The following L2HGDH variants were observed in gnomAD, a reference collection of about 807,000 sequenced individuals.
The protein encoded by L2HGDH is L-2-hydroxyglutarate dehydrogenase, mitochondrial.
Under a neutral mutation model 51.5 loss-of-function variants are expected in L2HGDH, and 34 were observed. The observed-to-expected ratio is 0.66, with a 90% CI of 0.50 to 0.88. The LOEUF (loss-of-function observed/expected upper bound fraction) is 0.88, where lower values mean the gene tolerates loss of function less well. Ranked by LOEUF, L2HGDH falls within the 40% of genes least tolerant of loss-of-function variation. The pLI is 0.00. For missense variants in L2HGDH, 558 were observed against 571.9 expected, an observed-to-expected ratio of 0.98 and a Z score of 0.25; for synonymous variants, 198 against 197.9, an observed-to-expected ratio of 1.00 and a Z score of -0.01.
chr14:50,302,304 G>A (rs897605249), intron 2 of L2HGDH, 136 bp from the exon 3 acceptor site: 6 of 875,810 alleles, frequency 6.9e-6, no homozygotes, highest in South Asian at 2.7e-5. Flanking sequence ...TCAGATCACT[G>A]GTAACTTCTT....
At chr14:50,265,555 A>G in intron 8 of L2HGDH, 66 bp from the exon 9 acceptor site, 1 of 1,324,340 alleles carries the variant, frequency 7.6e-7, no homozygotes, top group Non-Finnish European at 1.1e-6. Context: ...ATACCTTTAT[A>G]ATTATTAGAT....
intron 3 of L2HGDH, among the ~76,000 whole-genome samples, chr14:50,301,689 G>C (rs2030416644): frequency 6.6e-6 from 1 of 152,180 alleles, no homozygotes; most frequent in African/African-American, 2.4e-5. Flanking sequence ...GGAAGTGACT[G>C]CTAATGGGTA....
chr14:50,298,417 G>C (rs2030206245), intron 3 of L2HGDH, among the ~76,000 whole-genome samples: 1 of 151,804 alleles, frequency 6.6e-6, no homozygotes, highest in African/African-American at 2.4e-5. Flanking sequence ...CCAGGTTCTA[G>C]CAACTAACCT....
chr14:50,286,380 T>C (rs1187227436), intron 4 of L2HGDH, among the ~76,000 whole-genome samples: 3 of 152,038 alleles, frequency 2.0e-5, no homozygotes, highest in Admixed American at 1.3e-4. Flanking sequence ...AGAGTTATCC[T>C]CCCAAGTCAA....
At chr14:50,268,383 A>G (rs1406509538) in intron 7 of L2HGDH, among the ~76,000 whole-genome samples, 1 of 144,564 alleles carries the variant, frequency 6.9e-6, no homozygotes, top group Non-Finnish European at 1.5e-5. Context: ...TGTCTCAGGA[A>G]AAAAAAAAAA....
At chr14:50,283,217 T>A (rs770495145) in intron 5 of L2HGDH, among the ~76,000 whole-genome samples, 1 of 151,042 alleles carries the variant, frequency 6.6e-6, no homozygotes, top group Non-Finnish European at 1.5e-5. Context: ...AAAAAAAAAA[T>A]GCATTTTTAA....
In L2HGDH at chr14:50,267,935, C is replaced by G. The variant is rs201973589; in HGVS notation, c.907-25G>C. 3.0e-3 allele frequency: 4,862 copies of G among 1,608,968 alleles called. 17 individuals carry two copies. Among genetic ancestry groups the G allele is most frequent in the Non-Finnish European group, 3.9e-3 (4,577 of 1,175,348 alleles). On this transcript the variant is annotated intron_variant, in intron 7 of 9. Transcript: ENST00000267436. ...CCTATAAATTTAACATAGTAAATAA[C>G]AGCCTCATTTCACATTCCATGTTAT...
chr14:50,267,147 T>A, intron 8 of L2HGDH, among the ~76,000 whole-genome samples: 1 of 31,924 alleles, frequency 3.1e-5, no homozygotes, highest in Non-Finnish European at 7.5e-5. Context: ...CTTTTTATTT[T>A]TATTTATTTA....
intron 6 of L2HGDH, among the ~76,000 whole-genome samples, chr14:50,272,067 G>C (rs190931651): frequency 2.4e-4 from 37 of 152,320 alleles, no homozygotes; most frequent in Admixed American, 2.0e-3. Context: ...CTTGAATCTG[G>C]GAGGCAGAGG....
intron 5 of L2HGDH, among the ~76,000 whole-genome samples, chr14:50,280,157 G>C (rs1890188256): frequency 6.6e-6 from 1 of 151,312 alleles, no homozygotes; most frequent in African/African-American, 2.4e-5. Flanking sequence ...GAGCCACATG[G>C]GTCACTGCTT....
chr14:50,267,844 G>T lies in L2HGDH; in HGVS notation c.973C>A (p.Leu325Ile). The change falls in exon 8 of 10, where the codon CTA becomes ATA. Residue 325 changes from leucine (L) to isoleucine (I), a missense_variant. Leu to Ile is a conservative substitution (Grantham distance 5). This residue lies in a region of L2HGDH where 321 missense variants were observed against 311.8 expected (regional missense o/e 1.03). Transcript: ENST00000267436. ...AAGGCAAGAACTGCATTAGGCCCTAGCCAAATACTGCCATCCATCCTTGGT... is the reference window on the plus strand; with the variant it reads ...AAGGCAAGAACTGCATTAGGCCCTATCCAAATACTGCCATCCATCCTTGGT... ...FTPRMDGSIW[L>I]GPNAVLAFKR... 6.2e-7 allele frequency: 1 copy of T among 1,613,942 alleles called. No homozygotes were observed. Among genetic ancestry groups the T allele is most frequent in the Non-Finnish European group, 8.5e-7 (1 of 1,179,800 alleles).
In L2HGDH at chr14:50,262,840, C is replaced by T. The variant is rs148075409; in HGVS notation, c.1196+2518G>A. On this transcript the variant is annotated intron_variant, in intron 9 of 9. Transcript: ENST00000267436. Reference sequence around the variant, plus strand: ...CTTAATAACTATAGGAATCAAGAGACGAAGCAAATGGAATTGCTGAATTAG... The same window carrying T: ...CTTAATAACTATAGGAATCAAGAGATGAAGCAAATGGAATTGCTGAATTAG... 4.0e-5 allele frequency among the ~76,000 whole-genome samples: 6 copies of T among 151,880 alleles called. No individual in the cohort carries two copies. In the East Asian group the frequency reaches 5.8e-4, roughly 15 times the overall value.
intron 1 of L2HGDH, 39 bp downstream of exon 1, chr14:50,311,972 C>A: frequency 1.9e-6 from 3 of 1,543,978 alleles, no homozygotes; most frequent in Non-Finnish European, 2.6e-6. Flanking sequence ...CCGCGAGGGG[C>A]AGCAGCGCAG....
rs1003580357 is a variant in L2HGDH, at chr14:50,242,915, T to A, written c.*4143A>T. 5.1e-6 allele frequency: 5 copies of A among 985,362 alleles called. No individual in the cohort carries two copies. The highest frequency in any genetic ancestry group is 6.1e-5 in the Admixed American group (1 of 16,270). The allele number at this position is 985,362 out of a possible 1,614,324, so 61.0% of individuals were successfully genotyped here. Reference sequence around the variant, plus strand: ...AACAATATAGACACCATGTCTCCTGTGTTTACAGGGATAGCTCATAGGTAC... The same window carrying A: ...AACAATATAGACACCATGTCTCCTGAGTTTACAGGGATAGCTCATAGGTAC... On this transcript the variant is annotated 3_prime_UTR_variant, in exon 10 of 10. Transcript: ENST00000267436.
intron 5 of L2HGDH, among the ~76,000 whole-genome samples, chr14:50,280,189 T>C (rs1162547432): frequency 2.1e-5 from 3 of 145,730 alleles, no homozygotes; most frequent in Non-Finnish European, 3.0e-5. Context: ...TGAGACAGAG[T>C]CTCACTCTGT....
At chr14:50,266,103 G>A (rs1022824030) in intron 8 of L2HGDH, among the ~76,000 whole-genome samples, 3 of 149,578 alleles carry the variant, frequency 2.0e-5, no homozygotes, top group African/African-American at 7.4e-5. Context: ...CAATGATTGT[G>A]CCACTGCATT....
At position 50,245,038 on chromosome 14, in the gene L2HGDH, T is replaced by C. The variant is rs1031558086; in HGVS notation, c.*2020A>G. 2.5e-5 allele frequency: 25 copies of C among 985,682 alleles called. No individual in the cohort carries two copies. Among genetic ancestry groups the C allele is most frequent in the African/African-American group, 3.5e-5 (2 of 57,228 alleles). 61.1% of individuals were successfully genotyped at this position (985,682 alleles called of 1,614,324 possible). A position where few individuals can be genotyped will look rare whatever the true frequency, so the allele number is the denominator to read the frequency against. ...TTCGATAGATACCACAAAACACATA[T>C]ATACAGGATATACCACAGCACTGGG... is the stretch of plus-strand genomic sequence containing the variant. On this transcript the variant is annotated 3_prime_UTR_variant, in exon 10 of 10. Coordinates refer to ENST00000267436, the MANE Select transcript of L2HGDH (RefSeq NM_024884.3).
chr14:50,255,352 T>C (rs1888597295), intron 9 of L2HGDH, among the ~76,000 whole-genome samples: 1 of 151,764 alleles, frequency 6.6e-6, no homozygotes, highest in South Asian at 2.1e-4. Flanking sequence ...CTGGCAAATA[T>C]GGCAAACCCC....
intron 9 of L2HGDH, among the ~76,000 whole-genome samples, chr14:50,253,064 A>G (rs917479668): frequency 6.6e-6 from 1 of 152,170 alleles, no homozygotes; most frequent in South Asian, 2.1e-4. Flanking sequence ...CATTCAAAAA[A>G]TTTGGAATAA....
Sources: gnomAD v4.1 joint callset for allele counts (sites outside exome capture counted in the v4.1 genomes callset) on GRCh38, gnomAD v4.1.1 for gene constraint, gnomAD v4.1.1 regional missense constraint, MANE v1.5 for transcripts, NCBI Gene and HGNC (gene_info 2026-07-23, HGNC 2026-07-21) for gene names.